The following NSG1 variants were observed in gnomAD, a reference collection of about 807,000 sequenced individuals.
The protein encoded by NSG1 is neuronal vesicle trafficking-associated protein 1.
A neutral mutation model predicts 19.3 loss-of-function variants in NSG1; 9 were observed. The ratio of observed to expected loss-of-function variants is 0.47; its 90% confidence interval spans 0.28 to 0.81. The LOEUF (loss-of-function observed/expected upper bound fraction) is 0.81, where lower values mean the gene tolerates loss of function less well. Among genes scored for constraint, NSG1 ranks in the 40% least tolerant of loss-of-function variants. NSG1 has a pLI of 0.11. For synonymous variants in NSG1, 104 were observed against 107.0 expected (o/e 0.97, Z 0.17); for missense variants, 236 against 242.4 (o/e 0.97, Z 0.18).
At chr4:4,407,927 C>T (rs1256785778) in intron 3 of NSG1, among the ~76,000 whole-genome samples, 1 of 152,056 alleles carries the variant, frequency 6.6e-6, no homozygotes, top group Admixed American at 6.6e-5. Flanking sequence ...TAGGGGCCCC[C>T]AAAGAGAAGG....
At chr4:4,394,377 A>T (rs1189096377) in intron 3 of NSG1, among the ~76,000 whole-genome samples, 1 of 152,138 alleles carries the variant, frequency 6.6e-6, no homozygotes, top group Non-Finnish European at 1.5e-5. Flanking sequence ...CCCAGTGTAC[A>T]GCTTCTTTTT....
intron 3 of NSG1, among the ~76,000 whole-genome samples, chr4:4,397,486 C>T (rs1017322866): frequency 6.6e-6 from 1 of 152,222 alleles, no homozygotes; most frequent in Non-Finnish European, 1.5e-5. Context: ...CAGGGCAACT[C>T]CCCTGTGGAC....
At position 4,393,795 on chromosome 4, in the gene NSG1, C is replaced by T. The variant is rs1329278501; in HGVS notation, c.246+2204C>T. 2.6e-5 allele frequency among the ~76,000 whole-genome samples: 4 copies of T among 152,140 alleles called. No individual in the cohort carries two copies. In the East Asian group the frequency reaches 7.7e-4, roughly 29 times the overall value. ...CAAAGCCAAGGCCTTCCCAACATAC[C>T]TTGCACCACATCCCTCCCCACTCCC... is the stretch of plus-strand genomic sequence containing the variant. On this transcript the variant is annotated intron_variant, in intron 3 of 4. Transcript: ENST00000621129.
At chr4:4,399,665 T>A (rs1308128949) in intron 3 of NSG1, among the ~76,000 whole-genome samples, 1 of 152,220 alleles carries the variant, frequency 6.6e-6, no homozygotes, top group African/African-American at 2.4e-5. Context: ...ATTGCTTGTA[T>A]TTTTGGTGTC....
intron 3 of NSG1, among the ~76,000 whole-genome samples, chr4:4,394,339 T>C (rs1342103698): frequency 1.3e-5 from 2 of 152,166 alleles, no homozygotes; most frequent in African/African-American, 4.8e-5. Flanking sequence ...TTCAGAGACA[T>C]GGCAGGCACA....
intron 2 of NSG1, among the ~76,000 whole-genome samples, chr4:4,388,429 C>G (rs977701400): frequency 6.6e-6 from 1 of 152,220 alleles, no homozygotes; most frequent in African/African-American, 2.4e-5. Flanking sequence ...TTTAAAGAAT[C>G]TCCTCTTTTT....
At chr4:4,387,561 C>CCGGGGGGGGGGTGG in intron 1 of NSG1, 43 bp from the exon 2 acceptor site, 3 of 1,141,990 alleles carry the variant, frequency 2.6e-6, no homozygotes, top group African/African-American at 1.6e-5. Flanking sequence ...CGCCCCGCCC[C>CCGGGGGGGGGGTGG]GGGTCTTGCT....
At chr4:4,401,645 T>C (rs1723552934) in intron 3 of NSG1, among the ~76,000 whole-genome samples, 2 of 152,116 alleles carry the variant, frequency 1.3e-5, no homozygotes, top group South Asian at 4.1e-4. Context: ...AGGGTGACGC[T>C]GTGGGACCGT....
At chr4:4,406,672 C>G (rs35405432) in intron 3 of NSG1, among the ~76,000 whole-genome samples, 11,626 of 152,072 alleles carry the variant, frequency 0.076, 700 homozygotes, top group African/African-American at 0.16. Context: ...CCGTCATGCT[C>G]CCCCCCAACC....
chr4:4,389,461 G>T (rs1722894822), intron 2 of NSG1, among the ~76,000 whole-genome samples: 1 of 152,100 alleles, frequency 6.6e-6, no homozygotes. Context: ...TTTCCAGAAG[G>T]CTTCTAAGGT....
intron 2 of NSG1, among the ~76,000 whole-genome samples, chr4:4,390,557 C>T (rs555635508): frequency 9.9e-5 from 15 of 152,274 alleles, no homozygotes; most frequent in South Asian, 4.1e-4. Context: ...CCTCGTCCCT[C>T]GGGGGAGAAA....
At chr4:4,407,498 G>A (rs1560145662) in intron 3 of NSG1, among the ~76,000 whole-genome samples, 1 of 152,148 alleles carries the variant, frequency 6.6e-6, no homozygotes, top group Non-Finnish European at 1.5e-5. Flanking sequence ...CCCGGGCACT[G>A]TGCTGAGAGC....
intron 3 of NSG1, among the ~76,000 whole-genome samples, chr4:4,400,159 A>G (rs1211482842): frequency 1.3e-5 from 2 of 152,198 alleles, no homozygotes; most frequent in Middle Eastern, 3.2e-3. Flanking sequence ...ATATGGTATG[A>G]GGTAAGGGTC....
intron 3 of NSG1, among the ~76,000 whole-genome samples, chr4:4,403,575 G>A (rs1350807063): frequency 6.6e-6 from 1 of 152,126 alleles, no homozygotes; most frequent in South Asian, 2.1e-4. Flanking sequence ...AATCATCCAG[G>A]ATAATCTCCT....
chr4:4,392,759 C>T (rs1467790208), intron 3 of NSG1, among the ~76,000 whole-genome samples: 1 of 152,074 alleles, frequency 6.6e-6, no homozygotes, highest in Admixed American at 6.5e-5. Flanking sequence ...TCAGCAAATC[C>T]TCCCAGCAGC....
At chr4:4,394,667 C>T (rs1395703397) in intron 3 of NSG1, among the ~76,000 whole-genome samples, 1 of 152,240 alleles carries the variant, frequency 6.6e-6, no homozygotes, top group Non-Finnish European at 1.5e-5. Flanking sequence ...ATCAGCCGCT[C>T]TATGCCAGCC....
chr4:4,418,595 G>A lies in NSG1; in HGVS notation c.*1160G>A, dbSNP rs913698545. ...TGTAAAACAAATAGAAAAGACATTC[G>A]CAGACATTTCTTCTATGTTATTGAA... On this transcript the variant is annotated 3_prime_UTR_variant, in exon 5 of 5. Coordinates refer to ENST00000621129, the MANE Select transcript of NSG1 (RefSeq NM_014392.5). The A allele has an allele frequency of 1.3e-5, 2 of 152,550 alleles. No homozygotes were observed. Among genetic ancestry groups the A allele is most frequent in the African/African-American group, 2.4e-5 (1 of 41,420 alleles). 9.4% of individuals were successfully genotyped at this position (152,550 alleles called of 1,614,324 possible). A position where few individuals can be genotyped will look rare whatever the true frequency, so the allele number is the denominator to read the frequency against.
intron 3 of NSG1, among the ~76,000 whole-genome samples, chr4:4,406,662 C>A (rs1021347331): frequency 6.6e-6 from 1 of 152,166 alleles, no homozygotes; most frequent in Non-Finnish European, 1.5e-5. Context: ...GCAGACAGCT[C>A]CGTCATGCTC....
chr4:4,393,015 G>A (rs542975372), intron 3 of NSG1, among the ~76,000 whole-genome samples: 18 of 152,232 alleles, frequency 1.2e-4, no homozygotes, highest in South Asian at 2.1e-4. Context: ...GGATTAGCGC[G>A]TGCCTTATCT....
Sources: allele counts gnomAD v4.1 joint callset (sites outside exome capture counted in the v4.1 genomes callset), GRCh38; gene constraint gnomAD v4.1.1; transcripts MANE v1.5; gene names NCBI Gene and HGNC (gene_info 2026-07-23, HGNC 2026-07-21).